The following PABPC4L variants were observed in gnomAD, a reference collection of about 807,000 sequenced individuals.
PABPC4L encodes polyadenylate-binding protein 4-like.
For synonymous variants in PABPC4L, 169 were observed against 164.1 expected (o/e 1.03, Z -0.23); for missense variants, 452 against 451.4 (o/e 1.00, Z -0.01).
the PABPC4L span, among the ~76,000 whole-genome samples, chr4:134,079,695 G>T: frequency 1.3e-5 from 2 of 151,308 alleles, no homozygotes; most frequent in African/African-American, 2.4e-5. Flanking sequence ...GTCTGTGTGT[G>T]TGAGAGAGAG....
At chr4:134,026,703 G>C in the PABPC4L span, among the ~76,000 whole-genome samples, 2 of 152,052 alleles carry the variant, frequency 1.3e-5, no homozygotes, top group African/African-American at 4.8e-5. Flanking sequence ...TCTTTATAGA[G>C]ATAATGAAGT....
chr4:134,125,275 T>G, the PABPC4L span, among the ~76,000 whole-genome samples: 1 of 152,096 alleles, frequency 6.6e-6, no homozygotes, highest in Admixed American at 6.6e-5. Flanking sequence ...TGCTTTTACT[T>G]CTGTACATAT....
the PABPC4L span, among the ~76,000 whole-genome samples, chr4:133,955,072 G>T: frequency 6.6e-6 from 1 of 151,834 alleles, no homozygotes; most frequent in Admixed American, 6.6e-5. Context: ...GTAATTAAGG[G>T]ATAATAACAC....
At chr4:133,984,404 T>G in the PABPC4L span, among the ~76,000 whole-genome samples, 44 of 152,028 alleles carry the variant, frequency 2.9e-4, 1 homozygote, top group East Asian at 7.9e-3. Context: ...GGTGTTGAGT[T>G]AGATCAGAAA....
At chr4:134,023,264 A>C in the PABPC4L span, among the ~76,000 whole-genome samples, 2 of 152,198 alleles carry the variant, frequency 1.3e-5, no homozygotes, top group African/African-American at 4.8e-5. Context: ...AAATGGACTG[A>C]AATTAAATGC....
At chr4:134,097,882 A>G in the PABPC4L span, among the ~76,000 whole-genome samples, 1 of 151,800 alleles carries the variant, frequency 6.6e-6, no homozygotes, top group Non-Finnish European at 1.5e-5. Context: ...TTCCTAATTG[A>G]GAAACTTGTT....
At chr4:134,112,833 G>C in the PABPC4L span, among the ~76,000 whole-genome samples, 3 of 151,734 alleles carry the variant, frequency 2.0e-5, no homozygotes, top group African/African-American at 7.3e-5. Flanking sequence ...TAAGCTCAGG[G>C]AGGTTCTTTA....
At chr4:134,018,140 T>C in the PABPC4L span, among the ~76,000 whole-genome samples, 3 of 152,052 alleles carry the variant, frequency 2.0e-5, no homozygotes, top group East Asian at 5.8e-4. Context: ...TTCCTTCTCC[T>C]GGCTCATCCT....
At chr4:134,103,895 A>G in the PABPC4L span, among the ~76,000 whole-genome samples, 30 of 151,742 alleles carry the variant, frequency 2.0e-4, 1 homozygote, top group Admixed American at 5.3e-4. Flanking sequence ...CATCAGGTGC[A>G]ATTTGTCTAT....
the PABPC4L span, among the ~76,000 whole-genome samples, chr4:134,133,746 G>T: frequency 6.6e-6 from 1 of 151,670 alleles, no homozygotes; most frequent in East Asian, 1.9e-4. Context: ...GGATGGGTGC[G>T]CCAAAATCTC....
chr4:133,984,407 A>T, the PABPC4L span, among the ~76,000 whole-genome samples: 1 of 151,880 alleles, frequency 6.6e-6, no homozygotes, highest in East Asian at 1.9e-4. Flanking sequence ...GTTGAGTTAG[A>T]TCAGAAATGT....
the PABPC4L span, among the ~76,000 whole-genome samples, chr4:134,157,435 T>A: frequency 6.6e-6 from 1 of 151,792 alleles, no homozygotes; most frequent in Non-Finnish European, 1.5e-5. Context: ...AATATCTTTA[T>A]GAAACTTTTG....
At chr4:133,992,874 G>A in the PABPC4L span, among the ~76,000 whole-genome samples, 1 of 152,104 alleles carries the variant, frequency 6.6e-6, no homozygotes, top group East Asian at 1.9e-4. Context: ...CGGGGCTTGT[G>A]TCATCTGAGG....
At chr4:134,146,686 A>G in the PABPC4L span, among the ~76,000 whole-genome samples, 1 of 152,080 alleles carries the variant, frequency 6.6e-6, no homozygotes, top group Non-Finnish European at 1.5e-5. Flanking sequence ...CTCAGAATCA[A>G]GAGGGTACCC....
chr4:134,069,989 T>G, the PABPC4L span, among the ~76,000 whole-genome samples: 1 of 7,738 alleles, frequency 1.3e-4, no homozygotes, highest in Non-Finnish European at 2.3e-4. Context: ...CTTTGGAGGG[T>G]TTTTTTTTTT....
chr4:134,043,620 ATTACAGC>A, the PABPC4L span, among the ~76,000 whole-genome samples: 2 of 152,136 alleles, frequency 1.3e-5, no homozygotes, highest in African/African-American at 4.8e-5. Flanking sequence ...AGTCAAAAGT[ATTACAGC>A]CAGAAAATAC....
At chr4:134,160,207 G>A in the PABPC4L span, among the ~76,000 whole-genome samples, 8 of 152,112 alleles carry the variant, frequency 5.3e-5, no homozygotes, top group Middle Eastern at 6.3e-3. Context: ...GGGCCATGTC[G>A]GCTGTGGTGG....
At chr4:134,090,685 C>T in the PABPC4L span, among the ~76,000 whole-genome samples, 1 of 151,796 alleles carries the variant, frequency 6.6e-6, no homozygotes. Context: ...ATTGCCTGAG[C>T]CCAGGAATTT....
At chr4:134,072,927 A>G in the PABPC4L span, among the ~76,000 whole-genome samples, 2 of 152,112 alleles carry the variant, frequency 1.3e-5, no homozygotes, top group Admixed American at 6.5e-5. Context: ...CCATGATTCA[A>G]TTACCTCCCA....
Sources: allele counts gnomAD v4.1 joint callset (sites outside exome capture counted in the v4.1 genomes callset), GRCh38; gene constraint gnomAD v4.1.1; transcripts MANE v1.5; gene names NCBI Gene and HGNC (gene_info 2026-07-23, HGNC 2026-07-21).